The following RGL1 variants were observed in gnomAD, a reference collection of about 807,000 sequenced individuals.
RGL1 encodes ral guanine nucleotide dissociation stimulator like 1.
Under a neutral mutation model 95.2 loss-of-function variants are expected in RGL1, and 24 were observed. That is an observed-to-expected ratio of 0.25 (90% confidence interval 0.18 to 0.35). The LOEUF is 0.35. RGL1 is among the 10% of genes least tolerant of loss of function. The pLI, the probability that RGL1 is intolerant of heterozygous loss-of-function variation, is 1.00. For missense variants in RGL1, 715 were observed against 936.3 expected, an observed-to-expected ratio of 0.76 and a Z score of 3.08; for synonymous variants, 329 against 344.9, an observed-to-expected ratio of 0.95 and a Z score of 0.51.
chr1:183,816,708 T>C (rs2500125), intron 2 of RGL1, among the ~76,000 whole-genome samples: 86,728 of 152,024 alleles, frequency 0.57, 25,077 homozygotes, highest in South Asian at 0.68. Flanking sequence ...CTCTGCTCAC[T>C]ACCTAAATGC....
intron 6 of RGL1, among the ~76,000 whole-genome samples, chr1:183,884,303 A>C (rs1182389035): frequency 6.6e-6 from 1 of 152,236 alleles, no homozygotes; most frequent in African/African-American, 2.4e-5. Flanking sequence ...AAATTCACAG[A>C]ATCCACATGT....
intron 1 of RGL1, among the ~76,000 whole-genome samples, chr1:183,731,154 A>G (rs1442792575): frequency 6.6e-6 from 1 of 152,168 alleles, no homozygotes; most frequent in Non-Finnish European, 1.5e-5. Context: ...TAAACCCATC[A>G]ATCTCTAGAG....
chr1:183,670,620 T>G (rs1450455919), intron 1 of RGL1, among the ~76,000 whole-genome samples: 1 of 152,196 alleles, frequency 6.6e-6, no homozygotes, highest in African/African-American at 2.4e-5. Context: ...TATGTTCTGA[T>G]AAGTTGTGAT....
intron 1 of RGL1, among the ~76,000 whole-genome samples, chr1:183,674,243 G>C (rs1369059146): frequency 6.6e-6 from 1 of 151,986 alleles, no homozygotes; most frequent in Non-Finnish European, 1.5e-5. Context: ...AAAAACACTT[G>C]TTACTGAGTA....
chr1:183,761,691 G>T (rs547849459), intron 2 of RGL1, among the ~76,000 whole-genome samples: 7 of 152,244 alleles, frequency 4.6e-5, no homozygotes, highest in Non-Finnish European at 7.4e-5. Context: ...TTGAAGTCAG[G>T]CATTGACTTT....
In RGL1 at chr1:183,884,419, C is replaced by G. The variant is rs546759161; in HGVS notation, c.736-304C>G. Among the ~76,000 whole-genome samples, 18 of 152,182 alleles carry G rather than the reference C, an allele frequency of 1.2e-4. No homozygotes were observed. In the East Asian group the frequency reaches 3.3e-3, roughly 28 times the overall value. Reference sequence around the variant, plus strand: ...AGTATGTCAGTCAGATTTCATAGGTCGGTGTTAGATGGTAAATACAAGAGG... The same window carrying G: ...AGTATGTCAGTCAGATTTCATAGGTGGGTGTTAGATGGTAAATACAAGAGG... On this transcript the variant is annotated intron_variant, in intron 6 of 17. Coordinates refer to ENST00000360851, the MANE Select transcript of RGL1 (RefSeq NM_001297671.3).
intron 2 of RGL1, among the ~76,000 whole-genome samples, chr1:183,755,591 G>A (rs1658276717): frequency 1.3e-5 from 2 of 152,102 alleles, no homozygotes; most frequent in South Asian, 4.2e-4. Context: ...TTTTTGATTG[G>A]TGATTACATG....
intron 17 of RGL1, among the ~76,000 whole-genome samples, chr1:183,924,822 CG>C (rs1669523136): frequency 6.7e-6 from 1 of 149,432 alleles, no homozygotes; most frequent in Non-Finnish European, 1.5e-5. Flanking sequence ...AAAAATTAGC[CG>C]GGGGTGGTGG....
At chr1:183,680,167 G>A (rs989973761) in intron 1 of RGL1, among the ~76,000 whole-genome samples, 6 of 152,050 alleles carry the variant, frequency 3.9e-5, no homozygotes, top group African/African-American at 1.4e-4. Context: ...TCTGTAGGTT[G>A]CCTGTTCACT....
intron 2 of RGL1, among the ~76,000 whole-genome samples, chr1:183,842,636 C>T (rs1280213549): frequency 6.6e-6 from 1 of 152,146 alleles, no homozygotes; most frequent in Non-Finnish European, 1.5e-5. Flanking sequence ...TTTGTGGTCA[C>T]AGTACCGTGA....
At chr1:183,716,456 T>G (rs547788008) in intron 1 of RGL1, among the ~76,000 whole-genome samples, 1 of 152,358 alleles carries the variant, frequency 6.6e-6, no homozygotes, top group Non-Finnish European at 1.5e-5. Context: ...ATGTAGCTTC[T>G]GAAGTCAGCC....
At chr1:183,886,799 T>G (rs1055290472) in intron 7 of RGL1, among the ~76,000 whole-genome samples, 1 of 152,128 alleles carries the variant, frequency 6.6e-6, no homozygotes, top group African/African-American at 2.4e-5. Flanking sequence ...CAATTTCTAT[T>G]GAAAGGATAT....
At chr1:183,877,866 G>A (rs888099382) in intron 4 of RGL1, among the ~76,000 whole-genome samples, 3 of 152,160 alleles carry the variant, frequency 2.0e-5, no homozygotes, top group African/African-American at 7.2e-5. Flanking sequence ...GTGGACGAAG[G>A]CTCCTCTTTA....
In RGL1 at chr1:183,922,239, A is replaced by G. The variant is rs1669347728; in HGVS notation, c.2022A>G (p.Lys674=). 6.2e-7 allele frequency: 1 copy of G among 1,614,084 alleles called. No homozygotes were observed. Among genetic ancestry groups the G allele is most frequent in the Admixed American group, 1.7e-5 (1 of 60,008 alleles). The change falls in exon 17 of 18, where the codon AAA becomes AAG. Residue 674 remains lysine (K), a synonymous_variant. Coordinates refer to ENST00000360851, the MANE Select transcript of RGL1 (RefSeq NM_001297671.3). ...YKSIMLTSQD[K]TPAVIQRAML... ...CTTTGCAGTTGACGAGCCAGGATAAAACCCCCGCTGTGATCCAGAGAGCCA... is the reference window on the plus strand; with the variant it reads ...CTTTGCAGTTGACGAGCCAGGATAAGACCCCCGCTGTGATCCAGAGAGCCA...
At chr1:183,680,061 G>T (rs554652850) in intron 1 of RGL1, among the ~76,000 whole-genome samples, 1 of 152,074 alleles carries the variant, frequency 6.6e-6, no homozygotes, top group African/African-American at 2.4e-5. Flanking sequence ...TTTTGATGGG[G>T]TTGTTTGTTT....
chr1:183,681,189 T>C (rs1653187925), intron 1 of RGL1, among the ~76,000 whole-genome samples: 1 of 152,238 alleles, frequency 6.6e-6, no homozygotes, highest in Non-Finnish European at 1.5e-5. Flanking sequence ...CTGATTGCAC[T>C]GGCCAGAACT....
At chr1:183,677,076 T>C (rs1352076658) in intron 1 of RGL1, among the ~76,000 whole-genome samples, 1 of 151,874 alleles carries the variant, frequency 6.6e-6, no homozygotes, top group Non-Finnish European at 1.5e-5. Context: ...ATATGTCCCA[T>C]TGTGCCCAGG....
chr1:183,889,664 CA>C (rs1159160803), intron 8 of RGL1, among the ~76,000 whole-genome samples: 1 of 152,134 alleles, frequency 6.6e-6, no homozygotes, highest in Non-Finnish European at 1.5e-5. Flanking sequence ...TATTCTCGTT[CA>C]GGGGATAGTC....
At chr1:183,764,508 T>C (rs1658865701) in intron 2 of RGL1, among the ~76,000 whole-genome samples, 1 of 152,132 alleles carries the variant, frequency 6.6e-6, no homozygotes, top group Non-Finnish European at 1.5e-5. Flanking sequence ...ACTCAGATAA[T>C]ACAAATATAA....
Sources: allele counts gnomAD v4.1 joint callset (sites outside exome capture counted in the v4.1 genomes callset), GRCh38; gene constraint gnomAD v4.1.1; transcripts MANE v1.5; gene names NCBI Gene and HGNC (gene_info 2026-07-23, HGNC 2026-07-21).